MEP1A: variants seen among roughly 807,000 people sequenced by gnomAD.
MEP1A encodes N-benzoyl-L-tyrosyl-P-amino-benzoic acid hydrolase subunit alpha.
Under a neutral mutation model 84.5 loss-of-function variants are expected in MEP1A, and 68 were observed. The ratio of observed to expected loss-of-function variants is 0.80; its 90% CI spans 0.66 to 0.98. The LOEUF is 0.98. MEP1A is among the 50% of genes least tolerant of loss of function. The probability of loss-of-function intolerance (pLI) is 0.00; values close to 1 mark genes in which losing one functional copy is unlikely to be tolerated. For synonymous variants in MEP1A, 337 were observed against 336.8 expected, an observed-to-expected ratio of 1.00 and a Z score of -0.01; for missense variants, 887 against 919.9, an observed-to-expected ratio of 0.96 and a Z score of 0.46.
rs372174070 is a variant in MEP1A, at chr6:46,839,156, C to T, written c.*20C>T. 2.0e-5 allele frequency: 32 copies of T among 1,604,944 alleles called. No homozygotes were observed. The highest frequency in any genetic ancestry group is 2.2e-4 in the Middle Eastern group (1 of 4,514). On this transcript the variant is annotated 3_prime_UTR_variant, in exon 14 of 14. Coordinates refer to ENST00000230588, the MANE Select transcript of MEP1A (RefSeq NM_005588.3). ...AAGTGACCTGCCTGCTGGCATTGGC[C>T]AGACCACAGCAGCACCTCCTCCATG...
chr6:46,793,632 G>A (rs1019739477), intron 2 of MEP1A, 34 bp from the exon 3 acceptor site: 21 of 1,586,828 alleles, frequency 1.3e-5, no homozygotes, highest in Non-Finnish European at 1.7e-5. Context: ...CCTTCGGCAA[G>A]ACTAATAATA....
intron 6 of MEP1A, among the ~76,000 whole-genome samples, chr6:46,811,931 T>A (rs1402341873): frequency 6.6e-6 from 1 of 152,096 alleles, no homozygotes. Flanking sequence ...TCTGTAGTTT[T>A]CTTTGTTTGT....
At chr6:46,812,855 A>G (rs1293595521) in intron 6 of MEP1A, among the ~76,000 whole-genome samples, 1 of 151,960 alleles carries the variant, frequency 6.6e-6, no homozygotes, top group Non-Finnish European at 1.5e-5. Flanking sequence ...TGATTTTCTT[A>G]TATTTACTGA....
At chr6:46,802,801 C>T (rs1767223959) in intron 5 of MEP1A, among the ~76,000 whole-genome samples, 1 of 151,648 alleles carries the variant, frequency 6.6e-6, no homozygotes, top group African/African-American at 2.4e-5. Context: ...ATTTTTATTC[C>T]TTATTGTGTA....
intron 10 of MEP1A, 40 bp from the exon 11 acceptor site, chr6:46,833,034 G>A (rs1341564092): frequency 1.7e-6 from 2 of 1,153,148 alleles, no homozygotes; most frequent in East Asian, 4.7e-5. Flanking sequence ...CTCATTAAGT[G>A]TTGGTCACAG....
At chr6:46,822,907 C>T (rs1167249520) in intron 7 of MEP1A, among the ~76,000 whole-genome samples, 1 of 152,144 alleles carries the variant, frequency 6.6e-6, no homozygotes, top group Non-Finnish European at 1.5e-5. Flanking sequence ...AAGTGCTTTG[C>T]TTCAGGTGCC....
chr6:46,798,479 A>G, intron 3 of MEP1A, 127 bp from the exon 4 acceptor site: 3 of 782,256 alleles, frequency 3.8e-6, no homozygotes, highest in Non-Finnish European at 6.4e-6. Flanking sequence ...CATTGTTTCA[A>G]AAAGTTTTGC....
Position 46,793,536 on chromosome 6 carries a change from T to C in MEP1A, c.70-16T>C. On this transcript the variant is annotated splice_polypyrimidine_tract_variant and intron_variant, in intron 1 of 13. Transcript: ENST00000230588. ...TAGTATACATTATCCATTTTCTGTA[T>C]ATTTATTTTTTTCAGATTAAGTATC... The C allele has an allele frequency of 6.4e-7, 1 of 1,560,532 alleles. No homozygotes were observed.
At chr6:46,797,838 C>CTTTCTT (rs1362068516) in intron 3 of MEP1A, among the ~76,000 whole-genome samples, 10 of 144,238 alleles carry the variant, frequency 6.9e-5, no homozygotes, top group East Asian at 2.0e-4. Context: ...TTCTTTCTTT[C>CTTTCTT]TCTCTCTCTT....
intron 9 of MEP1A, among the ~76,000 whole-genome samples, chr6:46,828,892 A>G (rs1263375727): frequency 1.4e-5 from 2 of 140,342 alleles, no homozygotes; most frequent in African/African-American, 5.5e-5. Flanking sequence ...TAGGCTAGCA[A>G]CAGGGGAAAT....
chr6:46,809,533 G>A lies in MEP1A; in HGVS notation c.376G>A (p.Asp126Asn), dbSNP rs754034062. ...CTCATATATCATATTTCAACAGTTT[G>A]ATGGGTTGGTATGAAATTTTACGGA... The part of the protein sequence containing the change: ...ESSYIIFQQF[D>N]GCWSEVGDQH... The change falls in exon 6 of 14, where the codon GAT (aspartate) becomes AAT (asparagine). Residue 126 changes from aspartate to asparagine, a missense_variant. Asp to Asn is a conservative substitution (Grantham distance 23, BLOSUM62 1). Coordinates refer to ENST00000230588, the MANE Select transcript of MEP1A (RefSeq NM_005588.3). 2.5e-6 allele frequency: 4 copies of A among 1,587,490 alleles called. No homozygotes were observed. The highest frequency in any genetic ancestry group is 1.1e-5 in the South Asian group (1 of 88,092).
intron 10 of MEP1A, among the ~76,000 whole-genome samples, chr6:46,830,749 G>A (rs183520981): frequency 1.3e-5 from 2 of 152,070 alleles, no homozygotes; most frequent in East Asian, 1.9e-4. Flanking sequence ...TGCCCAAATC[G>A]CCTATATCCA....
intron 6 of MEP1A, among the ~76,000 whole-genome samples, 154 bp from the exon 7 acceptor site, chr6:46,819,375 C>T (rs1372303044): frequency 2.6e-5 from 4 of 152,160 alleles, no homozygotes; most frequent in African/African-American, 9.7e-5. Flanking sequence ...TTTAAGCAGT[C>T]CCCATCTTTG....
chr6:46,793,722 T>C lies in MEP1A; in HGVS notation c.145+6T>C, dbSNP rs1398589712. On this transcript the variant is annotated splice_donor_region_variant and intron_variant, in intron 3 of 13. Transcript: ENST00000230588. ...TATTTCAGAAATCAATTTAGGTGAG[T>C]TCAATTTTTGTGTTATTAAAGTCTT... The C allele has an allele frequency of 1.3e-6, 2 of 1,599,934 alleles. No individual in the cohort carries two copies. The highest frequency in any genetic ancestry group is 3.3e-5 in the Admixed American group (2 of 59,798).
chr6:46,829,233 C>T (rs1285779146), intron 9 of MEP1A, 123 bp from the exon 10 acceptor site: 14 of 743,654 alleles, frequency 1.9e-5, no homozygotes, highest in African/African-American at 3.5e-5. Context: ...TATTTTCCTC[C>T]GAAGAGTTCT....
chr6:46,809,314 A>C, intron 5 of MEP1A, 106 bp from the exon 6 acceptor site: 2 of 692,628 alleles, frequency 2.9e-6, no homozygotes, highest in Admixed American at 5.7e-5. Context: ...CCTATCATGC[A>C]CCTCTGTGGA....
intron 7 of MEP1A, among the ~76,000 whole-genome samples, chr6:46,820,582 T>G (rs750498635): frequency 6.6e-6 from 1 of 152,166 alleles, no homozygotes; most frequent in Non-Finnish European, 1.5e-5. Context: ...GAGATGGGAT[T>G]TCATCATGTT....
intron 9 of MEP1A, among the ~76,000 whole-genome samples, chr6:46,827,448 G>T (rs1177996543): frequency 6.6e-6 from 1 of 152,136 alleles, no homozygotes; most frequent in East Asian, 1.9e-4. Context: ...AGTATTCTGT[G>T]CCTGCCATTG....
At chr6:46,815,190 G>A (rs1767606564) in intron 6 of MEP1A, among the ~76,000 whole-genome samples, 1 of 152,168 alleles carries the variant, frequency 6.6e-6, no homozygotes, top group South Asian at 2.1e-4. Context: ...ACCAGGGCAG[G>A]TAGAGAAAGA....
Sources: allele counts gnomAD v4.1 joint callset (sites outside exome capture counted in the v4.1 genomes callset), GRCh38; gene constraint gnomAD v4.1.1; transcripts MANE v1.5; gene names NCBI Gene and HGNC (gene_info 2026-07-23, HGNC 2026-07-21).